SDK1: variants seen among roughly 807,000 people sequenced by gnomAD.
The protein encoded by SDK1 is sidekick cell adhesion molecule 1, also known as protein sidekick-1.
A neutral mutation model predicts 245.5 loss-of-function variants in SDK1; 157 were observed. The ratio of observed to expected loss-of-function variants is 0.64; its 90% CI spans 0.56 to 0.73. The LOEUF is 0.73. Among genes scored for constraint, SDK1 ranks in the 30% least tolerant of loss-of-function variants. The probability of loss-of-function intolerance (pLI) is 0.00; values close to 1 mark genes in which losing one functional copy is unlikely to be tolerated. For missense variants in SDK1, 3,583 were observed against 3,002.3 expected (o/e 1.19, Z -4.52); for synonymous variants, 1,647 against 1,278.5 (o/e 1.29, Z -6.15).
rs867120800 is a variant in SDK1 at position 4,264,437 on chromosome 7, A to G, written c.6382-687A>G. ...AGGCCGCGTGGACCTCTCCTGGGGT[A>G]AGGAAGGCCGCGTGGACCTCTCCTG... On this transcript the variant is annotated intron_variant, in intron 44 of 44. Coordinates refer to ENST00000404826, the MANE Select transcript of SDK1 (RefSeq NM_152744.4). Among the ~76,000 whole-genome samples, 232 of 89,950 alleles carry G rather than the reference A, an allele frequency of 2.6e-3. 7 individuals are homozygous for G. The highest frequency in any genetic ancestry group is 7.6e-3 in the Middle Eastern group (1 of 132). 59.0% of individuals were successfully genotyped at this position (89,950 alleles called of 152,430 possible).
At chr7:3,635,328 C>T (rs1400836063) in intron 2 of SDK1, among the ~76,000 whole-genome samples, 1 of 152,156 alleles carries the variant, frequency 6.6e-6, no homozygotes, top group Non-Finnish European at 1.5e-5. Flanking sequence ...AGAAGATTAT[C>T]AGAGGGGAAA....
chr7:3,536,323 C>A (rs1046347346), intron 1 of SDK1, among the ~76,000 whole-genome samples: 3 of 152,120 alleles, frequency 2.0e-5, no homozygotes, highest in Admixed American at 6.5e-5. Context: ...GCCTCAGCCT[C>A]CCAAAGTGTT....
intron 44 of SDK1, among the ~76,000 whole-genome samples, chr7:4,256,944 C>A (rs994746981): frequency 2.6e-5 from 4 of 152,222 alleles, no homozygotes; most frequent in Non-Finnish European, 5.9e-5. Context: ...GCTCAGGAGC[C>A]TTCCTGATCG....
At chr7:4,009,197 A>G (rs1348534895) in intron 14 of SDK1, among the ~76,000 whole-genome samples, 1 of 152,164 alleles carries the variant, frequency 6.6e-6, no homozygotes, top group African/African-American at 2.4e-5. Context: ...TAAGTGGGAG[A>G]GCTCGTAGTC....
chr7:4,006,066 C>T (rs1201243366), intron 14 of SDK1, among the ~76,000 whole-genome samples: 2 of 152,038 alleles, frequency 1.3e-5, no homozygotes, highest in African/African-American at 4.8e-5. Flanking sequence ...GACCCTGTCT[C>T]AAAAAAGAAA....
intron 1 of SDK1, among the ~76,000 whole-genome samples, chr7:3,376,428 C>G (rs552049409): frequency 2.6e-5 from 4 of 151,646 alleles, no homozygotes; most frequent in African/African-American, 7.3e-5. Context: ...GGCAGTGTCT[C>G]GGAGAACTCT....
chr7:4,125,673 C>A (rs1027313852), intron 25 of SDK1, among the ~76,000 whole-genome samples: 1 of 152,224 alleles, frequency 6.6e-6, no homozygotes, highest in Non-Finnish European at 1.5e-5. Context: ...CTTCTACTCA[C>A]CTCTGTGTGC....
intron 32 of SDK1, among the ~76,000 whole-genome samples, chr7:4,164,259 C>A (rs764992674): frequency 6.6e-6 from 1 of 152,214 alleles, no homozygotes; most frequent in Non-Finnish European, 1.5e-5. Context: ...GGAAAAGTGA[C>A]GAAGGACCCA....
At chr7:3,644,243 T>TTATATA (rs66881824) in intron 4 of SDK1, among the ~76,000 whole-genome samples, 5,798 of 145,152 alleles carry the variant, frequency 0.04, 147 homozygotes, top group East Asian at 0.07. Flanking sequence ...GAACAAAAAT[T>TTATATA]TATATATATA....
Position 3,830,256 on chromosome 7 carries a change from G to A in SDK1, c.847+8673G>A, listed in dbSNP as rs75518848. ...AGACGGACGATGAGTATTCATTTAC[G>A]TCTCCCAATTATGCTGCGATTATTG... On this transcript the variant is annotated intron_variant, in intron 5 of 44. Transcript: ENST00000404826. Among the ~76,000 whole-genome samples, 798 of 152,196 alleles carry A rather than the reference G, an allele frequency of 5.2e-3. 4 individuals carry two copies. The highest frequency in any genetic ancestry group is 0.018 in the African/African-American group (766 of 41,530).
At chr7:3,639,348 C>T (rs1424615716) in intron 3 of SDK1, among the ~76,000 whole-genome samples, 3 of 152,112 alleles carry the variant, frequency 2.0e-5, no homozygotes, top group East Asian at 3.8e-4. Context: ...CCCTAAGAGG[C>T]CCTGGGGAGG....
At chr7:3,401,530 AAAAT>A (rs1258841857) in intron 1 of SDK1, among the ~76,000 whole-genome samples, 1 of 152,050 alleles carries the variant, frequency 6.6e-6, no homozygotes, top group Non-Finnish European at 1.5e-5. Flanking sequence ...TTGCTGGGGG[AAAAT>A]AACAAGACCA....
At chr7:3,361,759 A>G (rs1378601044) in intron 1 of SDK1, among the ~76,000 whole-genome samples, 2 of 152,206 alleles carry the variant, frequency 1.3e-5, no homozygotes, top group South Asian at 2.1e-4. Context: ...AGAAATAACA[A>G]TTGTTCCATG....
At chr7:3,392,961 A>ATTTTTTTTTTTT (rs572782966) in intron 1 of SDK1, among the ~76,000 whole-genome samples, 3 of 87,122 alleles carry the variant, frequency 3.4e-5, no homozygotes, top group Non-Finnish European at 6.3e-5. Context: ...CCTGTTTTAA[A>ATTTTTTTTTTTT]TTTTTTTTTT....
intron 4 of SDK1, among the ~76,000 whole-genome samples, chr7:3,756,891 C>T (rs1779948416): frequency 6.6e-6 from 1 of 152,150 alleles, no homozygotes; most frequent in Admixed American, 6.5e-5. Flanking sequence ...CGGTCATCAC[C>T]ATGACTTATT....
chr7:4,055,999 A>C (rs183506818), intron 19 of SDK1, among the ~76,000 whole-genome samples: 15 of 152,308 alleles, frequency 9.8e-5, no homozygotes, highest in African/African-American at 3.4e-4. Context: ...CACACTTCAT[A>C]TAATTTTAGT....
intron 1 of SDK1, among the ~76,000 whole-genome samples, chr7:3,306,071 C>T (rs180970785): frequency 4.6e-5 from 7 of 152,204 alleles, no homozygotes; most frequent in African/African-American, 1.4e-4. Context: ...TAGCCTCTGC[C>T]TTTATAAGGA....
Position 3,904,185 on chromosome 7 carries a change from C to G in SDK1, c.848-46738C>G, listed in dbSNP as rs56333541. On this transcript the variant is annotated intron_variant, in intron 5 of 44. Coordinates refer to ENST00000404826, the MANE Select transcript of SDK1 (RefSeq NM_152744.4). ...TATGCTGAGTGAAAGAAGCTAGACA[C>G]AAAGACCCACATACTGCATGAATCA... Among the ~76,000 whole-genome samples, 824 of 152,268 alleles carry G rather than the reference C, an allele frequency of 5.4e-3. 6 individuals are homozygous for G. Among genetic ancestry groups the G allele is most frequent in the African/African-American group, 0.019 (769 of 41,546 alleles).
intron 1 of SDK1, among the ~76,000 whole-genome samples, chr7:3,390,904 C>G (rs1781733451): frequency 6.6e-6 from 1 of 152,114 alleles, no homozygotes; most frequent in East Asian, 1.9e-4. Flanking sequence ...AATATGTCTT[C>G]TGACAAGTAA....
Sources: allele counts gnomAD v4.1 joint callset (sites outside exome capture counted in the v4.1 genomes callset), GRCh38; gene constraint gnomAD v4.1.1; transcripts MANE v1.5; gene names NCBI Gene and HGNC (gene_info 2026-07-23, HGNC 2026-07-21).